The following KCNU1 variants were observed in gnomAD, a reference collection of about 807,000 sequenced individuals.
The protein encoded by KCNU1 is potassium calcium-activated channel subfamily U member 1.
A neutral mutation model predicts 126.8 loss-of-function variants in KCNU1; 93 were observed. That is an observed-to-expected ratio of 0.73 (90% CI 0.62 to 0.87). KCNU1 has a LOEUF of 0.87. Among genes scored for constraint, KCNU1 ranks in the 40% least tolerant of loss-of-function variants. KCNU1 has a pLI of 0.00. For missense variants in KCNU1, 1,330 were observed against 1,367.1 expected, an observed-to-expected ratio of 0.97 and a Z score of 0.43; for synonymous variants, 523 against 494.2, an observed-to-expected ratio of 1.06 and a Z score of -0.77.
intron 16 of KCNU1, among the ~76,000 whole-genome samples, chr8:36,843,652 G>A (rs2130587465): frequency 6.6e-6 from 1 of 152,286 alleles, no homozygotes; most frequent in African/African-American, 2.4e-5. Context: ...GCCATTATTG[G>A]TAGAAGGAAG....
intron 22 of KCNU1, among the ~76,000 whole-genome samples, chr8:36,913,848 G>A (rs979722738): frequency 3.9e-5 from 6 of 152,060 alleles, no homozygotes; most frequent in Non-Finnish European, 7.4e-5. Context: ...TGATCCGTCT[G>A]CCTCGGCCTC....
intron 16 of KCNU1, among the ~76,000 whole-genome samples, chr8:36,841,394 G>A (rs1222749730): frequency 1.3e-5 from 2 of 152,132 alleles, no homozygotes; most frequent in African/African-American, 4.8e-5. Flanking sequence ...CACTGGCCAT[G>A]CAAAGTAAAG....
intron 2 of KCNU1, among the ~76,000 whole-genome samples, chr8:36,802,109 A>AAAAC (rs1803333668): frequency 4.9e-5 from 3 of 61,828 alleles, no homozygotes; most frequent in Non-Finnish European, 8.9e-5. Context: ...ACTCCGTCTC[A>AAAAC]AAAAAAAAAA....
At chr8:36,889,064 A>G in intron 19 of KCNU1, 1 of 519,396 alleles carries the variant, frequency 1.9e-6, no homozygotes, top group South Asian at 1.4e-5. Context: ...TTTTTAGTAG[A>G]GACAGGGTTT....
At chr8:36,905,670 A>G in intron 19 of KCNU1, 38 bp from the exon 20 acceptor site, 10 of 1,111,448 alleles carry the variant, frequency 9.0e-6, no homozygotes, top group Non-Finnish European at 1.4e-5. Flanking sequence ...GAGGAGCTCC[A>G]AATAGTCTCA....
intron 22 of KCNU1, among the ~76,000 whole-genome samples, chr8:36,915,404 G>T (rs948544629): frequency 3.3e-5 from 5 of 152,136 alleles, no homozygotes; most frequent in African/African-American, 1.2e-4. Context: ...CCTGGCTGCA[G>T]TTTTCTCATC....
At chr8:36,817,496 T>G (rs1803958465) in intron 9 of KCNU1, among the ~76,000 whole-genome samples, 154 bp from the exon 10 acceptor site, 1 of 63,090 alleles carries the variant, frequency 1.6e-5, no homozygotes, top group Non-Finnish European at 2.5e-5. Context: ...CAAAACTCCA[T>G]CTCAAAAAAA....
At chr8:36,790,867 T>C (rs1166859807) in intron 2 of KCNU1, among the ~76,000 whole-genome samples, 1 of 150,986 alleles carries the variant, frequency 6.6e-6, no homozygotes, top group East Asian at 1.9e-4. Context: ...TATATGAAAA[T>C]CCCCCCAAAT....
chr8:36,828,021 T>C lies in KCNU1; in HGVS notation c.1107-5533T>C, dbSNP rs747830760. Reference sequence around the variant, plus strand: ...GTTTGTAATTTGTCTTTTTACTGAATATTACATGTTTTTGATATTTAAAAG... The same window carrying C: ...GTTTGTAATTTGTCTTTTTACTGAACATTACATGTTTTTGATATTTAAAAG... On this transcript the variant is annotated intron_variant, in intron 10 of 26. Coordinates refer to ENST00000399881, the MANE Select transcript of KCNU1 (RefSeq NM_001031836.3). Among the ~76,000 whole-genome samples the C allele has an allele frequency of 2.6e-5, 4 of 152,168 alleles. No homozygotes were observed. In the East Asian group the frequency reaches 5.8e-4, roughly 22 times the overall value.
intron 22 of KCNU1, among the ~76,000 whole-genome samples, chr8:36,915,930 A>G (rs1808083413): frequency 6.6e-6 from 1 of 152,082 alleles, no homozygotes; most frequent in Admixed American, 6.6e-5. Flanking sequence ...TTAAAAAGGA[A>G]GAAAGGGAGG....
At chr8:36,851,438 G>A (rs1230477223) in intron 18 of KCNU1, among the ~76,000 whole-genome samples, 1 of 150,808 alleles carries the variant, frequency 6.6e-6, no homozygotes, top group Admixed American at 6.7e-5. Context: ...ATGTGAAGAA[G>A]GTCCTTGCTT....
rs553671497 is a variant in KCNU1 at position 36,902,812 on chromosome 8, T to C, written c.2010-2896T>C. On this transcript the variant is annotated intron_variant, in intron 19 of 26. Coordinates refer to ENST00000399881, the MANE Select transcript of KCNU1 (RefSeq NM_001031836.3). Reference sequence around the variant, plus strand: ...GCTGCCATCAGGGTCCTGTCTGGTATGATTAAGAGAGCCGGTGGGGCTTTT... The same window carrying C: ...GCTGCCATCAGGGTCCTGTCTGGTACGATTAAGAGAGCCGGTGGGGCTTTT... Among the ~76,000 whole-genome samples the C allele has an allele frequency of 3.3e-5, 5 of 152,244 alleles. No individual in the cohort carries two copies. In the South Asian group the frequency reaches 8.3e-4, roughly 25 times the overall value.
At chr8:36,802,110 A>C (rs1358961033) in intron 2 of KCNU1, among the ~76,000 whole-genome samples, 1 of 70,222 alleles carries the variant, frequency 1.4e-5, no homozygotes, top group Non-Finnish European at 2.7e-5. Context: ...CTCCGTCTCA[A>C]AAAAAAAAAA....
intron 2 of KCNU1, among the ~76,000 whole-genome samples, chr8:36,790,693 T>C (rs1355557603): frequency 2.0e-5 from 3 of 152,082 alleles, no homozygotes; most frequent in African/African-American, 7.2e-5. Flanking sequence ...CCCATAATCA[T>C]CTTCACCACC....
At chr8:36,818,484 C>T (rs556007737) in intron 10 of KCNU1, among the ~76,000 whole-genome samples, 2 of 152,144 alleles carry the variant, frequency 1.3e-5, no homozygotes, top group African/African-American at 4.8e-5. Flanking sequence ...CCAACTTCAC[C>T]TTTTAATTTT....
intron 20 of KCNU1, among the ~76,000 whole-genome samples, chr8:36,906,256 TTTC>T (rs975547771): frequency 2.6e-5 from 4 of 152,082 alleles, no homozygotes; most frequent in African/African-American, 9.7e-5. Flanking sequence ...TGTAGTGGTT[TTTC>T]TTAAAGCTGG....
rs145239251 is a variant in KCNU1 at position 36,877,347 on chromosome 8, G to T, written c.2009+12826G>T. On this transcript the variant is annotated intron_variant, in intron 19 of 26. Transcript: ENST00000399881. ...GATGGAGTTTCACTCTTGTCGCCCA[G>T]GCTAGAGTGCAATGGCATGGTCTTG... is the stretch of plus-strand genomic sequence containing the variant. Among the ~76,000 whole-genome samples, 868 of 150,716 alleles carry T rather than the reference G, an allele frequency of 5.8e-3. 6 individuals carry two copies. Among genetic ancestry groups the T allele is most frequent in the African/African-American group, 0.019 (776 of 40,900 alleles).
chr8:36,831,238 T>C (rs1422472508), intron 10 of KCNU1, among the ~76,000 whole-genome samples: 1 of 152,068 alleles, frequency 6.6e-6, no homozygotes, highest in Non-Finnish European at 1.5e-5. Context: ...TGTGTCTTTA[T>C]AGCAGCATGA....
chr8:36,888,931 T>C (rs1806837080), intron 19 of KCNU1: 3 of 401,464 alleles, frequency 7.5e-6, no homozygotes, highest in Non-Finnish European at 1.5e-5. Flanking sequence ...CAGGCTGGAG[T>C]GCAGTGGCAC....
Sources: gnomAD v4.1 joint callset for allele counts (sites outside exome capture counted in the v4.1 genomes callset) on GRCh38, gnomAD v4.1.1 for gene constraint, MANE v1.5 for transcripts, NCBI Gene and HGNC (gene_info 2026-07-23, HGNC 2026-07-21) for gene names.